The following CTSW variants were observed in gnomAD, a reference collection of about 807,000 sequenced individuals.
CTSW encodes cathepsin W.
A neutral mutation model predicts 43.8 loss-of-function variants in CTSW; 42 were observed. The observed-to-expected ratio is 0.96, with a 90% CI of 0.75 to 1.24. The LOEUF (loss-of-function observed/expected upper bound fraction) is 1.24, where lower values mean the gene tolerates loss of function less well. CTSW is among the 50% of genes most tolerant of loss of function. The probability of loss-of-function intolerance (pLI) is 0.00; values close to 1 mark genes in which losing one functional copy is unlikely to be tolerated. For synonymous variants in CTSW, 191 were observed against 184.8 expected (o/e 1.03, Z -0.27); for missense variants, 475 against 479.9 (o/e 0.99, Z 0.09).
chr11:65,883,435 T>G lies in CTSW; in HGVS notation c.1020+11T>G. ...CAATGGGGAGAGAAGGTGAGTGTGA[T>G]CTATTGGGGGAGGGGGCAAGGCAGA... On this transcript the variant is annotated intron_variant, in intron 9 of 9. Coordinates refer to ENST00000307886, the MANE Select transcript of CTSW (RefSeq NM_001335.4). 6.2e-7 allele frequency: 1 copy of G among 1,613,892 alleles called. No homozygotes were observed. The highest frequency in any genetic ancestry group is 8.5e-7 in the Non-Finnish European group (1 of 1,179,922).
chr11:65,881,940 C>T (rs1420114693), intron 3 of CTSW, among the ~76,000 whole-genome samples: 4 of 152,230 alleles, frequency 2.6e-5, no homozygotes, highest in Non-Finnish European at 4.4e-5. Context: ...CGCACAACCA[C>T]GCCCAGCTAA....
rs1860116256 is a variant in CTSW at position 65,882,230 on chromosome 11, C to T, written c.342C>T (p.Ser114=). Residue 114 remains serine, a synonymous_variant, in exon 4 of 10, where the codon AGC becomes AGT. Transcript: ENST00000307886. ...GYRRAAGGVP[S]MGREIRSEEP... The stretch of plus-strand genomic sequence containing the variant: ...GGAGGGCAGCTGGAGGGGTCCCCAG[C>T]ATGGGCAGAGAAATAAGGTCTGAAG... The T allele has an allele frequency of 1.9e-6, 3 of 1,614,168 alleles. No homozygotes were observed. The highest frequency in any genetic ancestry group is 2.5e-6 in the Non-Finnish European group (3 of 1,180,036).
chr11:65,883,261 C>A lies in CTSW; in HGVS notation c.857C>A (p.Pro286His). Residue 286 changes from proline (P) to histidine (H), a missense_variant, in exon 9 of 10, where the codon CCC becomes CAC. By Grantham distance (77) the Pro-to-His change is moderately conservative. Coordinates refer to ENST00000307886, the MANE Select transcript of CTSW (RefSeq NM_001335.4). The part of the protein sequence containing the change: ...VIKATPTTCD[P>H]QLVDHSVLLV... Reference sequence around the variant, plus strand: ...AAGGCCACACCCACCACCTGTGACCCCCAGCTTGTGGACCACTCTGTCCTG... The same window carrying A: ...AAGGCCACACCCACCACCTGTGACCACCAGCTTGTGGACCACTCTGTCCTG... 3.7e-6 allele frequency: 6 copies of A among 1,614,000 alleles called. No homozygotes were observed. The highest frequency in any genetic ancestry group is 5.1e-6 in the Non-Finnish European group (6 of 1,179,970).
chr11:65,880,225 GC>G lies in CTSW; in HGVS notation c.112del (p.Leu38Ter). ...AGGACCTAGGTCCCCAGCCGCTAGA[GC>G]TGAAAGAGGCCTTCAAGTTGTTCCA... ...AQDLGPQPLE[L>X]KEAFKLFQIQ... On this transcript the variant is annotated frameshift_variant, in exon 2 of 10. Coordinates refer to ENST00000307886, the MANE Select transcript of CTSW (RefSeq NM_001335.4). LOFTEE classifies it high-confidence loss of function. The G allele has an allele frequency of 6.2e-7, 1 of 1,614,174 alleles. No homozygotes were observed. The highest frequency in any genetic ancestry group is 8.5e-7 in the Non-Finnish European group (1 of 1,180,026).
chr11:65,883,113 A>G lies in CTSW; in HGVS notation c.790A>G (p.Ile264Val), dbSNP rs772710218. 32 of 1,613,958 alleles carry G rather than the reference A, an allele frequency of 2.0e-5. No individual in the cohort carries two copies. In the Admixed American group the frequency reaches 3.8e-4, roughly 19 times the overall value. ...LATYGPITVT[I>V]NMKPLQLYRK... Reference sequence around the variant, plus strand: ...CACTTATGGCCCCATCACCGTGACCATCAACATGAAGCCCCTTCAGGTGAG... The same window carrying G: ...CACTTATGGCCCCATCACCGTGACCGTCAACATGAAGCCCCTTCAGGTGAG... The change falls in exon 8 of 10, where the codon ATC (isoleucine) becomes GTC (valine). Residue 264 changes from isoleucine to valine, a missense_variant. Coordinates refer to ENST00000307886, the MANE Select transcript of CTSW (RefSeq NM_001335.4).
intron 2 of CTSW, 144 bp from the exon 3 acceptor site, chr11:65,881,263 A>G: frequency 8.8e-6 from 4 of 456,652 alleles, no homozygotes; most frequent in Non-Finnish European, 1.6e-5. Flanking sequence ...GGGCCTGGGT[A>G]TCTGCAGTGG....
rs537018866 is a variant in CTSW, at chr11:65,880,010, C to A, written c.87+69C>A. On this transcript the variant is annotated intron_variant, in intron 1 of 9. Transcript: ENST00000307886. ...GGTCACCCCTTCAGAAACAGCTGGC[C>A]TGTCATTCTCATTTTTCAGAGGGAG... The A allele has an allele frequency of 1.5e-5, 21 of 1,401,108 alleles. No individual in the cohort carries two copies. The East Asian group carries it at 4.6e-4, about 31-fold the overall frequency. The allele number at this position is 1,401,108 out of a possible 1,614,324, so 86.8% of individuals were successfully genotyped here.
chr11:65,883,035 C>T lies in CTSW; in HGVS notation c.746-34C>T, dbSNP rs201534255. ...AAGGAGCGAGAGACCCACACACCCA[C>T]ATGCCAAGGGTCTGATGATGTTCCT... On this transcript the variant is annotated intron_variant, in intron 7 of 9. Coordinates refer to ENST00000307886, the MANE Select transcript of CTSW (RefSeq NM_001335.4). 929 of 1,613,826 alleles carry T rather than the reference C, an allele frequency of 5.8e-4. 1 individual carries two copies. The highest frequency in any genetic ancestry group is 7.2e-4 in the Non-Finnish European group (853 of 1,179,782).
intron 1 of CTSW, 121 bp downstream of exon 1, chr11:65,880,062 G>A (rs541362465): frequency 1.6e-5 from 19 of 1,174,474 alleles, no homozygotes; most frequent in Middle Eastern, 1.9e-4. Context: ...GGGGGCTGAC[G>A]TGCCCAAGGG....
chr11:65,880,853 G>A (rs1846540520), intron 2 of CTSW, among the ~76,000 whole-genome samples: 1 of 152,158 alleles, frequency 6.6e-6, no homozygotes, highest in Non-Finnish European at 1.5e-5. Context: ...GCGATTCTAG[G>A]CAGTGGACAG....
At position 65,883,206 on chromosome 11, in the gene CTSW, C is replaced by G. The variant is rs747656325; in HGVS notation, c.811-9C>G. 1 of 1,613,742 alleles carries G rather than the reference C, an allele frequency of 6.2e-7. No individual in the cohort carries two copies. Among genetic ancestry groups the G allele is most frequent in the Non-Finnish European group, 8.5e-7 (1 of 1,179,900 alleles). On this transcript the variant is annotated splice_polypyrimidine_tract_variant and intron_variant, in intron 8 of 9. Coordinates refer to ENST00000307886, the MANE Select transcript of CTSW (RefSeq NM_001335.4). Reference sequence around the variant, plus strand: ...CCACACTCAGCCCCTCGGCCCCCACCCCCTGCAGCTATACCGGAAAGGTGT... The same window carrying G: ...CCACACTCAGCCCCTCGGCCCCCACGCCCTGCAGCTATACCGGAAAGGTGT...
chr11:65,880,005 C>A, intron 1 of CTSW, 64 bp downstream of exon 1: 1 of 1,428,316 alleles, frequency 7.0e-7, no homozygotes, highest in Non-Finnish European at 9.7e-7. Context: ...TCAGAAACAG[C>A]TGGCCTGTCA....
rs1307467442 is a variant in CTSW, at chr11:65,882,856, A to G, written c.697A>G (p.Lys233Glu). Residue 233 changes from lysine to glutamate, a missense_variant, in exon 7 of 10, where the codon AAG becomes GAG. Coordinates refer to ENST00000307886, the MANE Select transcript of CTSW (RefSeq NM_001335.4). ...CAGGTGCCACCCCAAGAAGTACCAG[A>G]AGGTGGCCTGGATCCAGGACTTCAT... ...AHRCHPKKYQ[K>E]VAWIQDFIML... The G allele has an allele frequency of 6.2e-6, 10 of 1,614,006 alleles. No homozygotes were observed. Among genetic ancestry groups the G allele is most frequent in the Non-Finnish European group, 8.5e-6 (10 of 1,179,994 alleles).
In CTSW at chr11:65,882,626, C is replaced by T. The variant is rs201632151; in HGVS notation, c.556C>T (p.Arg186Cys). 30 of 1,614,148 alleles carry T rather than the reference C, an allele frequency of 1.9e-5. No individual in the cohort carries two copies. In the Admixed American group the frequency reaches 3.8e-4, roughly 21 times the overall value. The change falls in exon 6 of 10, where the codon CGC becomes TGC. Residue 186 changes from arginine to cysteine, a missense_variant. By Grantham distance (180) the Arg-to-Cys change is radical (BLOSUM62 -3). Coordinates refer to ENST00000307886, the MANE Select transcript of CTSW (RefSeq NM_001335.4). The part of the protein sequence containing the change: ...VSVQELLDCG[R>C]CGDGCHGGFV... ...TGCACCAGAACTGCTGGACTGTGGC[C>T]GCTGTGGGGATGGCTGCCACGGTGG...
In CTSW at chr11:65,880,218, C is replaced by T. The variant is rs546317243; in HGVS notation, c.104C>T (p.Pro35Leu). The change falls in exon 2 of 10, where the codon CCG becomes CTG. Residue 35 changes from proline (P) to leucine (L), a missense_variant. Coordinates refer to ENST00000307886, the MANE Select transcript of CTSW (RefSeq NM_001335.4). The part of the protein sequence containing the change: ...PLRAQDLGPQ[P>L]LELKEAFKLF... The stretch of plus-strand genomic sequence containing the variant: ...CCTTGCCAGGACCTAGGTCCCCAGC[C>T]GCTAGAGCTGAAAGAGGCCTTCAAG... 1.6e-5 allele frequency: 26 copies of T among 1,614,124 alleles called. No individual in the cohort carries two copies. Among genetic ancestry groups the T allele is most frequent in the African/African-American group, 8.0e-5 (6 of 75,048 alleles).
chr11:65,881,426 C>T lies in CTSW; in HGVS notation c.192C>T (p.Asp64=). ...LSPEEHAHRL[D]IFAHNLAQAQ... ...GTCCAGAGCATGCTCACCGCCTGGACATCTTTGCCCACAACCTGGCCCAGG... is the reference window on the plus strand; with the variant it reads ...GTCCAGAGCATGCTCACCGCCTGGATATCTTTGCCCACAACCTGGCCCAGG... The change falls in exon 3 of 10, where the codon GAC becomes GAT. Residue 64 remains aspartate (D), a synonymous_variant. Coordinates refer to ENST00000307886, the MANE Select transcript of CTSW (RefSeq NM_001335.4). The T allele has an allele frequency of 6.2e-7, 1 of 1,605,774 alleles. No homozygotes were observed. Among genetic ancestry groups the T allele is most frequent in the Non-Finnish European group, 8.5e-7 (1 of 1,175,558 alleles).
intron 2 of CTSW, 160 bp downstream of exon 2, chr11:65,880,446 G>A: frequency 1.9e-6 from 1 of 531,998 alleles, no homozygotes; most frequent in South Asian, 2.0e-5. Context: ...TTCAGCCTCT[G>A]AGTAGCTGGG....
At position 65,881,394 on chromosome 11, in the gene CTSW, C is replaced by G. The variant is rs1330916261; in HGVS notation, c.173-13C>G. On this transcript the variant is annotated splice_polypyrimidine_tract_variant and intron_variant, in intron 2 of 9. Transcript: ENST00000307886. The stretch of plus-strand genomic sequence containing the variant: ...CTTGGGAGTCAGCCTAGGACAACTC[C>G]CTTTTGGTCCAGAGCATGCTCACCG... The G allele has an allele frequency of 1.9e-6, 3 of 1,574,248 alleles. No individual in the cohort carries two copies.
At position 65,882,302 on chromosome 11, in the gene CTSW, C is replaced by T. The variant is rs138686861; in HGVS notation, c.414C>T (p.Ala138=). The T allele has an allele frequency of 3.5e-5, 56 of 1,614,110 alleles. No homozygotes were observed. The East Asian group carries it at 4.9e-4, about 14-fold the overall frequency. ...VPFSCDWRKV[A]SAISPIKDQK... is the part of the protein sequence containing the mutation. ...TCAGCTGTGACTGGCGGAAGGTGGC[C>T]AGCGCCATCTCACCCATCAAGGACC... The change falls in exon 4 of 10, where the codon GCC becomes GCT. Residue 138 remains alanine (A), a synonymous_variant. Transcript: ENST00000307886.
Sources: allele counts gnomAD v4.1 joint callset (sites outside exome capture counted in the v4.1 genomes callset), GRCh38; gene constraint gnomAD v4.1.1; transcripts MANE v1.5; gene names NCBI Gene and HGNC (gene_info 2026-07-23, HGNC 2026-07-21).